Variants in SERPINI1 observed in about 807,000 individuals in gnomAD.
The protein encoded by SERPINI1 is serpin family I member 1.
Under a neutral mutation model 41.1 loss-of-function variants are expected in SERPINI1, and 19 were observed. The ratio of observed to expected loss-of-function variants is 0.46; its 90% CI spans 0.32 to 0.68. The LOEUF (loss-of-function observed/expected upper bound fraction) is 0.68. SERPINI1 is among the 30% of genes least tolerant of loss of function. The pLI is 0.03. For missense variants in SERPINI1, 460 were observed against 479.2 expected, an observed-to-expected ratio of 0.96 and a Z score of 0.37; for synonymous variants, 138 against 156.6, an observed-to-expected ratio of 0.88 and a Z score of 0.89.
chr3:167,764,288 A>T (rs1726485234), intron 1 of SERPINI1, among the ~76,000 whole-genome samples: 1 of 152,202 alleles, frequency 6.6e-6, no homozygotes, highest in African/African-American at 2.4e-5. Flanking sequence ...ACCCAAATTT[A>T]TACAGGGAAA....
chr3:167,777,023 A>T (rs2108549414), intron 1 of SERPINI1, among the ~76,000 whole-genome samples: 1 of 152,238 alleles, frequency 6.6e-6, no homozygotes, highest in Admixed American at 6.5e-5. Context: ...AAAATTCCTC[A>T]TCTTGCCCAA....
intron 1 of SERPINI1, among the ~76,000 whole-genome samples, chr3:167,780,655 G>C (rs1727093824): frequency 6.6e-6 from 1 of 152,010 alleles, no homozygotes; most frequent in Admixed American, 6.6e-5. Context: ...TATTTTACAA[G>C]AGAATCACTT....
At chr3:167,787,016 C>CT (rs568613463) in intron 1 of SERPINI1, among the ~76,000 whole-genome samples, 22 of 152,262 alleles carry the variant, frequency 1.4e-4, no homozygotes, top group African/African-American at 3.9e-4. Flanking sequence ...ACTCTATAAG[C>CT]TTTTTTTCTA....
At chr3:167,804,677 A>G (rs1711566749) in intron 5 of SERPINI1, among the ~76,000 whole-genome samples, 1 of 152,146 alleles carries the variant, frequency 6.6e-6, no homozygotes, top group Admixed American at 6.6e-5. Flanking sequence ...ACACAAACAA[A>G]TTAAAAACAA....
At chr3:167,770,356 C>T (rs1397896138) in intron 1 of SERPINI1, among the ~76,000 whole-genome samples, 2 of 151,850 alleles carry the variant, frequency 1.3e-5, no homozygotes, top group Non-Finnish European at 2.9e-5. Flanking sequence ...ATTGTTCTCC[C>T]AACACAAGTT....
intron 1 of SERPINI1, among the ~76,000 whole-genome samples, chr3:167,785,379 C>A (rs188000732): frequency 2.6e-5 from 4 of 152,324 alleles, no homozygotes; most frequent in Admixed American, 2.6e-4. Context: ...GGTCAAACAG[C>A]ATGATAGCCA....
chr3:167,801,820 A>C (rs1467860457), intron 5 of SERPINI1, among the ~76,000 whole-genome samples: 2 of 152,150 alleles, frequency 1.3e-5, no homozygotes, highest in African/African-American at 2.4e-5. Flanking sequence ...AAAGTCAAGG[A>C]ATGGACAACT....
chr3:167,786,091 A>C (rs776255224), intron 1 of SERPINI1, among the ~76,000 whole-genome samples: 23 of 152,224 alleles, frequency 1.5e-4, no homozygotes, highest in Admixed American at 1.0e-3. Flanking sequence ...TACTGTACTG[A>C]ATATGGTAGG....
chr3:167,819,902 T>C (rs1405334201), intron 6 of SERPINI1, among the ~76,000 whole-genome samples: 1 of 152,232 alleles, frequency 6.6e-6, no homozygotes, highest in East Asian at 1.9e-4. Flanking sequence ...AGTAATTCTT[T>C]TTCTTACTCT....
At chr3:167,795,678 T>G (rs1027805465) in intron 5 of SERPINI1, among the ~76,000 whole-genome samples, 2 of 152,176 alleles carry the variant, frequency 1.3e-5, no homozygotes, top group Admixed American at 1.3e-4. Flanking sequence ...CTGTTATTAC[T>G]TGTTACCATC....
At chr3:167,786,048 G>C (rs879839269) in intron 1 of SERPINI1, among the ~76,000 whole-genome samples, 2 of 152,176 alleles carry the variant, frequency 1.3e-5, no homozygotes, top group Non-Finnish European at 2.9e-5. Context: ...ATGGTATTAC[G>C]TAGCTCCTCG....
chr3:167,820,377 C>A (rs1158289013), intron 6 of SERPINI1, among the ~76,000 whole-genome samples: 1 of 152,182 alleles, frequency 6.6e-6, no homozygotes, highest in Admixed American at 6.5e-5. Context: ...CTGGGCACAG[C>A]TGCTGTGGAC....
intron 1 of SERPINI1, among the ~76,000 whole-genome samples, chr3:167,763,357 T>TTGTGTGTGTGTGTGTGTGTGTG (rs35578479): frequency 2.7e-5 from 4 of 147,638 alleles, no homozygotes; most frequent in African/African-American, 1.0e-4. Flanking sequence ...AACCACAGTT[T>TTGTGTGTGTGTGTGTGTGTGTG]TGTGTGTGTG....
At chr3:167,750,200 T>C (rs1481112502) in intron 1 of SERPINI1, among the ~76,000 whole-genome samples, 1 of 152,042 alleles carries the variant, frequency 6.6e-6, no homozygotes, top group African/African-American at 2.4e-5. Context: ...AAAGCTTTGC[T>C]TTTTTTTCTG....
At chr3:167,781,271 T>A (rs1358044051) in intron 1 of SERPINI1, among the ~76,000 whole-genome samples, 1 of 152,046 alleles carries the variant, frequency 6.6e-6, no homozygotes, top group Non-Finnish European at 1.5e-5. Context: ...CTCCCAGTTT[T>A]CCAAACACCA....
chr3:167,825,443 T>A lies in SERPINI1; in HGVS notation c.*120T>A. 1.4e-6 allele frequency: 1 copy of A among 702,666 alleles called. No homozygotes were observed. The highest frequency in any genetic ancestry group is 2.7e-5 in the East Asian group (1 of 36,612). The allele number at this position is 702,666 out of a possible 1,614,324, so 43.5% of individuals were successfully genotyped here. A position where few individuals can be genotyped will look rare whatever the true frequency, so the allele number is the denominator to read the frequency against. On this transcript the variant is annotated 3_prime_UTR_variant, in exon 9 of 9. Transcript: ENST00000446050. ...AGATAATATTTAAAATAGTTCCAGA[T>A]AAAAACAATATATGTAAATTATAAG...
chr3:167,771,332 T>A (rs544593696), intron 1 of SERPINI1, among the ~76,000 whole-genome samples: 12 of 151,490 alleles, frequency 7.9e-5, no homozygotes, highest in Non-Finnish European at 1.5e-4. Flanking sequence ...TGATTTTTTT[T>A]AAATGAGAAG....
At chr3:167,792,412 GTA>G (rs1560009839) in intron 3 of SERPINI1, among the ~76,000 whole-genome samples, 176 bp from the exon 4 acceptor site, 8 of 151,660 alleles carry the variant, frequency 5.3e-5, no homozygotes, top group East Asian at 3.9e-4. Flanking sequence ...TAGTGTGTGT[GTA>G]TGTGTGTGTG....
chr3:167,787,414 T>C (rs982061718), intron 1 of SERPINI1, among the ~76,000 whole-genome samples: 1 of 152,246 alleles, frequency 6.6e-6, no homozygotes, highest in Admixed American at 6.5e-5. Flanking sequence ...AGTAGGTTTG[T>C]TTAAACCTAT....
Sources: gnomAD v4.1 joint callset for allele counts (sites outside exome capture counted in the v4.1 genomes callset) on GRCh38, gnomAD v4.1.1 for gene constraint, MANE v1.5 for transcripts, NCBI Gene and HGNC (gene_info 2026-07-23, HGNC 2026-07-21) for gene names.